PTPRJ: variants seen among roughly 807,000 people sequenced by gnomAD.
PTPRJ encodes the protein receptor-type tyrosine-protein phosphatase eta.
A neutral mutation model predicts 141.3 loss-of-function variants in PTPRJ; 129 were observed. The observed-to-expected ratio is 0.91, with a 90% CI of 0.79 to 1.06. The LOEUF (loss-of-function observed/expected upper bound fraction) is 1.06. Among genes scored for constraint, PTPRJ ranks in the 50% least tolerant of loss-of-function variants. The pLI is 0.00. For missense variants in PTPRJ, 1,601 were observed against 1,679.7 expected (o/e 0.95, Z 0.82); for synonymous variants, 610 against 640.5 (o/e 0.95, Z 0.72).
In PTPRJ at chr11:48,167,196, T is replaced by C. The variant is rs11039556; in HGVS notation, c.3856-8T>C. ...ATTTTCTGTCTCTCTCTTTCGTTTT[T>C]CTATCAGGACCAGTATGTTTTCCTC... On this transcript the variant is annotated splice_polypyrimidine_tract_variant and splice_region_variant and intron_variant, in intron 24 of 24. Coordinates refer to ENST00000418331, the MANE Select transcript of PTPRJ (RefSeq NM_002843.4). 0.013 allele frequency: 20,233 copies of C among 1,600,098 alleles called. 2,246 individuals are homozygous for C. The African/African-American group carries it at 0.24, about 19-fold the overall frequency.
At chr11:48,002,984 CA>C (rs1854537635) in intron 1 of PTPRJ, among the ~76,000 whole-genome samples, 1 of 151,792 alleles carries the variant, frequency 6.6e-6, no homozygotes. Context: ...CCCCCCATCA[CA>C]AAACTATTAT....
At chr11:48,068,128 C>T (rs1312473866) in intron 1 of PTPRJ, among the ~76,000 whole-genome samples, 1 of 152,134 alleles carries the variant, frequency 6.6e-6, no homozygotes, top group African/African-American at 2.4e-5. Flanking sequence ...CTGAGATAGA[C>T]ATGTTAGCGA....
At chr11:48,161,967 G>A (rs1460311042) in intron 22 of PTPRJ, among the ~76,000 whole-genome samples, 2 of 152,058 alleles carry the variant, frequency 1.3e-5, no homozygotes, top group Non-Finnish European at 2.9e-5. Flanking sequence ...CTTCTCCTTG[G>A]TTGCCTCCAC....
intron 1 of PTPRJ, among the ~76,000 whole-genome samples, chr11:47,990,462 A>C (rs1309727896): frequency 1.3e-5 from 2 of 151,940 alleles, no homozygotes; most frequent in Non-Finnish European, 1.5e-5. Context: ...TTGCTCTGTC[A>C]CCCAGGCTGG....
At chr11:48,114,063 G>C (rs1220996657) in intron 3 of PTPRJ, among the ~76,000 whole-genome samples, 1 of 152,130 alleles carries the variant, frequency 6.6e-6, no homozygotes, top group Non-Finnish European at 1.5e-5. Flanking sequence ...AGTTTTGTTA[G>C]TTCTAGAAGT....
chr11:48,113,901 T>G (rs920207369), intron 3 of PTPRJ, among the ~76,000 whole-genome samples: 9 of 152,184 alleles, frequency 5.9e-5, no homozygotes, highest in African/African-American at 1.7e-4. Context: ...TCCGGGAGCC[T>G]TAATAATTTT....
intron 1 of PTPRJ, among the ~76,000 whole-genome samples, chr11:48,087,657 A>G (rs1472468993): frequency 2.6e-5 from 4 of 152,236 alleles, no homozygotes; most frequent in African/African-American, 9.6e-5. Flanking sequence ...CTAGAAACCC[A>G]TAGACGATGG....
intron 1 of PTPRJ, among the ~76,000 whole-genome samples, chr11:48,053,367 T>A (rs1179795396): frequency 2.0e-5 from 2 of 98,380 alleles, no homozygotes; most frequent in Non-Finnish European, 3.6e-5. Flanking sequence ...TATAAAAATA[T>A]AATATATATA....
intron 16 of PTPRJ, chr11:48,149,753 A>G (rs1370775696): frequency 1.8e-6 from 1 of 554,590 alleles, no homozygotes; most frequent in African/African-American, 2.0e-5. Context: ...GGTTATCAAG[A>G]TCCAGGGGAG....
At chr11:48,141,583 C>T (rs1306223665) in intron 11 of PTPRJ, among the ~76,000 whole-genome samples, 1 of 152,162 alleles carries the variant, frequency 6.6e-6, no homozygotes, top group Non-Finnish European at 1.5e-5. Context: ...TCTCAGCTGA[C>T]CAGCTGATCC....
intron 1 of PTPRJ, among the ~76,000 whole-genome samples, chr11:48,040,687 C>T (rs769360148): frequency 1.2e-4 from 18 of 150,824 alleles, no homozygotes; most frequent in South Asian, 4.2e-4. Context: ...CTGCAACCTC[C>T]GCCTCCTGGG....
intron 3 of PTPRJ, among the ~76,000 whole-genome samples, chr11:48,119,738 G>A (rs946950740): frequency 6.6e-6 from 1 of 152,082 alleles, no homozygotes; most frequent in South Asian, 2.1e-4. Flanking sequence ...ATGAATGTTT[G>A]TATATCCCAT....
Position 48,130,521 on chromosome 11 carries a change from T to C in PTPRJ, c.1420T>C (p.Trp474Arg). 1 of 1,614,086 alleles carries C rather than the reference T, an allele frequency of 6.2e-7. No individual in the cohort carries two copies. The highest frequency in any genetic ancestry group is 8.5e-7 in the Non-Finnish European group (1 of 1,179,976). Residue 474 changes from tryptophan to arginine, a missense_variant, in exon 8 of 25, where the codon TGG becomes CGG. Trp to Arg is a moderately radical substitution (Grantham distance 101, BLOSUM62 -3). Transcript: ENST00000418331. ...CAGCACGACGGAGATCGGCTTAGCA[T>C]GGAGCAGCCATGATGCAGAATCATT... The part of the protein sequence containing the change: ...VVSTTEIGLA[W>R]SSHDAESFQM...
At chr11:48,154,891 G>A (rs939494096) in intron 19 of PTPRJ, among the ~76,000 whole-genome samples, 3 of 152,052 alleles carry the variant, frequency 2.0e-5, no homozygotes, top group Non-Finnish European at 4.4e-5. Context: ...ATCTGGAGTG[G>A]GAGCTGGGAA....
At chr11:48,162,942 A>G (rs1857822549) in intron 22 of PTPRJ, among the ~76,000 whole-genome samples, 1 of 152,128 alleles carries the variant, frequency 6.6e-6, no homozygotes, top group Non-Finnish European at 1.5e-5. Flanking sequence ...CTGTCACTTT[A>G]TTCACTTCTC....
chr11:48,117,573 A>AAAAAAAC (rs1856601821), intron 3 of PTPRJ, among the ~76,000 whole-genome samples: 1 of 127,240 alleles, frequency 7.9e-6, no homozygotes, highest in Non-Finnish European at 1.7e-5. Flanking sequence ...AAAAAAAAAA[A>AAAAAAAC]AAGCAAGCTC....
intron 1 of PTPRJ, among the ~76,000 whole-genome samples, chr11:48,000,051 G>T (rs1485295826): frequency 1.3e-5 from 2 of 151,614 alleles, no homozygotes; most frequent in African/African-American, 4.9e-5. Flanking sequence ...TAGAGATGGG[G>T]TTTCACCATG....
intron 16 of PTPRJ, 77 bp from the exon 17 acceptor site, chr11:48,149,913 G>T (rs1857439100): frequency 1.7e-6 from 2 of 1,164,396 alleles, no homozygotes; most frequent in Non-Finnish European, 2.5e-6. Flanking sequence ...GTTTTGGGAA[G>T]ATTGTTTACT....
At chr11:48,150,071 AT>A in intron 17 of PTPRJ, 24 bp from the exon 18 acceptor site, 1 of 1,594,546 alleles carries the variant, frequency 6.3e-7, no homozygotes, top group Non-Finnish European at 8.6e-7. Flanking sequence ...AATGTAAAAA[AT>A]CCTGATAAGT....
Sources: gnomAD v4.1 joint callset for allele counts (sites outside exome capture counted in the v4.1 genomes callset) on GRCh38, gnomAD v4.1.1 for gene constraint, MANE v1.5 for transcripts, NCBI Gene and HGNC (gene_info 2026-07-23, HGNC 2026-07-21) for gene names.